SLC25A18: variants seen among roughly 807,000 people sequenced by gnomAD.
SLC25A18 encodes solute carrier family 25 member 18, also known as mitochondrial glutamate carrier 2.
In SLC25A18, 24 loss-of-function variants were observed where a neutral mutation model predicts 31.1. The observed-to-expected ratio is 0.77, with a 90% confidence interval of 0.56 to 1.08. The LOEUF is 1.08. Ranked by LOEUF, SLC25A18 falls within the 50% of genes least tolerant of loss-of-function variation. SLC25A18 has a pLI of 0.00. For synonymous variants in SLC25A18, 173 were observed against 161.9 expected, an observed-to-expected ratio of 1.07 and a Z score of -0.52; for missense variants, 371 against 418.5, an observed-to-expected ratio of 0.89 and a Z score of 0.99.
chr22:17,583,421 A>G lies in SLC25A18; in HGVS notation c.296A>G (p.Gln99Arg), dbSNP rs770831613. ...FRRLLMEDGM[Q>R]RNLKMEMLAG... Reference sequence around the variant, plus strand: ...CCTGACGCCTGTTCCCATAGGATGCAGCGGAACCTGAAGATGGAGATGCTT... The same window carrying G: ...CCTGACGCCTGTTCCCATAGGATGCGGCGGAACCTGAAGATGGAGATGCTT... Residue 99 changes from glutamine (Q) to arginine (R), a missense_variant, in exon 7 of 11, where the codon CAG becomes CGG. Physicochemically the swap from Gln to Arg is conservative, Grantham distance 43. Transcript: ENST00000327451. The G allele has an allele frequency of 5.0e-6, 8 of 1,614,044 alleles. No individual in the cohort carries two copies. The highest frequency in any genetic ancestry group is 1.7e-6 in the Non-Finnish European group (2 of 1,179,992).
In SLC25A18 at chr22:17,581,356, A is replaced by G; in HGVS notation, c.144-2A>G. 6.2e-7 allele frequency: 1 copy of G among 1,614,076 alleles called. No homozygotes were observed. On this transcript the variant is annotated splice_acceptor_variant, in intron 4 of 10. Transcript: ENST00000327451. LOFTEE classifies it high-confidence loss of function. Reference sequence around the variant, plus strand: ...TACTCCTACTCTGGCCTCTGCTTCCAGGATCGACTGCCTGATGAAGACGGC... The same window carrying G: ...TACTCCTACTCTGGCCTCTGCTTCCGGGATCGACTGCCTGATGAAGACGGC...
chr22:17,569,120 T>C (rs1294200098), intron 1 of SLC25A18, among the ~76,000 whole-genome samples: 1 of 149,278 alleles, frequency 6.7e-6, no homozygotes, highest in East Asian at 2.1e-4. Flanking sequence ...GCCATTCTCC[T>C]GCCTCCGCAT....
At chr22:17,576,888 C>T (rs2057241159) in intron 2 of SLC25A18, among the ~76,000 whole-genome samples, 1 of 152,332 alleles carries the variant, frequency 6.6e-6, no homozygotes, top group South Asian at 2.1e-4. Flanking sequence ...TTAAATACCC[C>T]TATTCCAGTA....
At chr22:17,589,775 T>C (rs2057665845) in intron 10 of SLC25A18, 110 bp downstream of exon 10, 2 of 1,065,704 alleles carry the variant, frequency 1.9e-6, no homozygotes. Context: ...TGGGTTTCTT[T>C]GAAGTCTGTC....
chr22:17,564,075 G>A (rs1301216208), intron 1 of SLC25A18, among the ~76,000 whole-genome samples: 2 of 152,308 alleles, frequency 1.3e-5, no homozygotes, highest in African/African-American at 4.8e-5. Context: ...GTTCCAGCTT[G>A]AATTCCTCTT....
At chr22:17,564,718 C>T (rs190247070) in intron 1 of SLC25A18, among the ~76,000 whole-genome samples, 14 of 151,830 alleles carry the variant, frequency 9.2e-5, no homozygotes, top group African/African-American at 3.1e-4. Flanking sequence ...ATTAGCCAGG[C>T]GTGGTAGCAG....
chr22:17,567,394 A>C (rs960322313), intron 1 of SLC25A18, among the ~76,000 whole-genome samples: 3 of 152,100 alleles, frequency 2.0e-5, no homozygotes, highest in Non-Finnish European at 4.4e-5. Flanking sequence ...ATTTCAGATT[A>C]ATTACAATCC....
At chr22:17,571,619 G>A (rs182786532) in intron 2 of SLC25A18, among the ~76,000 whole-genome samples, 10 of 152,040 alleles carry the variant, frequency 6.6e-5, no homozygotes, top group South Asian at 2.1e-4. Flanking sequence ...TTAGCCGGGC[G>A]TGATGGAGCA....
At chr22:17,582,532 C>T in intron 5 of SLC25A18, 31 bp from the exon 6 acceptor site, 1 of 1,547,398 alleles carries the variant, frequency 6.5e-7, no homozygotes, top group Non-Finnish European at 8.8e-7. Flanking sequence ...CTGGGATGGC[C>T]TTGACTCCCC....
Position 17,590,354 on chromosome 22 carries a change from T to C in SLC25A18, c.*118T>C. The C allele has an allele frequency of 8.1e-7, 1 of 1,240,586 alleles. No homozygotes were observed. The highest frequency in any genetic ancestry group is 2.3e-5 in the East Asian group (1 of 42,630). The allele number at this position is 1,240,586 out of a possible 1,614,324, so 76.8% of individuals were successfully genotyped here. A position where few individuals can be genotyped will look rare whatever the true frequency, so the allele number is the denominator to read the frequency against. ...GCCTGCCTGGTCCTCTGCGTTGTAG[T>C]GCTACCTCAATCTCGGGAGAAACAG... On this transcript the variant is annotated 3_prime_UTR_variant, in exon 11 of 11. Coordinates refer to ENST00000327451, the MANE Select transcript of SLC25A18 (RefSeq NM_031481.3).
At chr22:17,568,635 C>T (rs2057004673) in intron 1 of SLC25A18, among the ~76,000 whole-genome samples, 1 of 134,784 alleles carries the variant, frequency 7.4e-6, no homozygotes, top group Non-Finnish European at 1.5e-5. Flanking sequence ...GATCTCGGCT[C>T]ACTGCAAGCT....
chr22:17,580,219 A>T (rs1351160993), intron 3 of SLC25A18: 1 of 417,648 alleles, frequency 2.4e-6, no homozygotes, highest in Non-Finnish European at 4.2e-6. Context: ...TTAAGTTTAC[A>T]GTTCTCTTTA....
At chr22:17,563,846 A>C (rs1201364191) in intron 1 of SLC25A18, 133 bp downstream of exon 1, 1 of 439,214 alleles carries the variant, frequency 2.3e-6, no homozygotes, top group East Asian at 1.6e-4. Context: ...ATACAGAAAA[A>C]CTGGACTCTA....
chr22:17,572,259 G>A (rs1569178715), intron 2 of SLC25A18, among the ~76,000 whole-genome samples: 2 of 151,546 alleles, frequency 1.3e-5, no homozygotes, highest in Non-Finnish European at 2.9e-5. Flanking sequence ...CAAGGTGGGC[G>A]GATCACCTGA....
At chr22:17,580,134 A>AC in intron 3 of SLC25A18, 170 bp downstream of exon 3, 1 of 597,878 alleles carries the variant, frequency 1.7e-6, no homozygotes, top group Non-Finnish European at 2.9e-6. Context: ...ATACGTACAC[A>AC]CAAGCATCTG....
chr22:17,581,599 C>A (rs2057375771), intron 5 of SLC25A18, 186 bp downstream of exon 5: 1 of 619,978 alleles, frequency 1.6e-6, no homozygotes, highest in Admixed American at 3.0e-5. Context: ...TTCCGGAGAC[C>A]CACAGAGCAC....
chr22:17,583,680 A>G, intron 7 of SLC25A18, 146 bp downstream of exon 7: 1 of 1,119,772 alleles, frequency 8.9e-7, no homozygotes, highest in Non-Finnish European at 1.2e-6. Flanking sequence ...ATGGTGGCTC[A>G]TGCCTGTAAT....
At chr22:17,580,866 G>A (rs2057352974) in intron 3 of SLC25A18, 171 bp from the exon 4 acceptor site, 4 of 1,379,570 alleles carry the variant, frequency 2.9e-6, no homozygotes, top group Non-Finnish European at 1.9e-6. Context: ...GGGTGAGTGC[G>A]GCTGTCCTGT....
At chr22:17,575,106 C>T (rs2057200279) in intron 2 of SLC25A18, among the ~76,000 whole-genome samples, 1 of 152,082 alleles carries the variant, frequency 6.6e-6, no homozygotes, top group Non-Finnish European at 1.5e-5. Context: ...CCTGCCTCGG[C>T]CTCCCACAGT....
Sources: gnomAD v4.1 joint callset for allele counts (sites outside exome capture counted in the v4.1 genomes callset) on GRCh38, gnomAD v4.1.1 for gene constraint, MANE v1.5 for transcripts, NCBI Gene and HGNC (gene_info 2026-07-23, HGNC 2026-07-21) for gene names.